Variants in UNKL observed in about 807,000 individuals in gnomAD.
The protein encoded by UNKL is unk like zinc finger, also known as putative E3 ubiquitin-protein ligase UNKL.
A neutral mutation model predicts 78.0 loss-of-function variants in UNKL; 60 were observed. That is an observed-to-expected ratio of 0.77 (90% CI 0.63 to 0.95). UNKL has a LOEUF of 0.95. Ranked by LOEUF, UNKL falls within the 40% of genes least tolerant of loss-of-function variation. UNKL has a pLI of 0.00. For missense variants in UNKL, 1,159 were observed against 1,045.7 expected, an observed-to-expected ratio of 1.11 and a Z score of -1.49; for synonymous variants, 608 against 474.8, an observed-to-expected ratio of 1.28 and a Z score of -3.65.
Position 1,370,241 on chromosome 16 carries a change from G to T in UNKL, c.1474C>A (p.Pro492Thr). The T allele has an allele frequency of 6.5e-7, 1 of 1,535,364 alleles. No individual in the cohort carries two copies. The highest frequency in any genetic ancestry group is 2.5e-5 in the East Asian group (1 of 40,730). ...GAGGAGCCCACCGGCCCTGGGAGGGGCTGGGACAGCGAACCGAGCGGCGAG... is the reference window on the plus strand; with the variant it reads ...GAGGAGCCCACCGGCCCTGGGAGGGTCTGGGACAGCGAACCGAGCGGCGAG... ...STSPLGSLSQPLPGPVGSSAM... is the reference protein window; with the variant it reads ...STSPLGSLSQTLPGPVGSSAM... Residue 492 changes from proline to threonine, a missense_variant, in exon 12 of 15, where the codon CCC (proline) becomes ACC (threonine). Physicochemically the swap from Pro to Thr is conservative, Grantham distance 38. Coordinates refer to ENST00000389221, the MANE Select transcript of UNKL (RefSeq NM_001372107.1).
chr16:1,399,771 C>T lies in UNKL; in HGVS notation c.599-262G>A, dbSNP rs557833840. The stretch of plus-strand genomic sequence containing the variant: ...GGGAACCCACAGAGACGGAGTGGAG[C>T]CGAGACCACCAGGGCTGGGAGGGAG... On this transcript the variant is annotated intron_variant, in intron 4 of 14. Transcript: ENST00000389221. This position sits in a 1 kb window ranked among gnomAD's most constrained non-coding sequence, Gnocchi z 5.8. Among the ~76,000 whole-genome samples, 3 of 152,312 alleles carry T rather than the reference C, an allele frequency of 2.0e-5. No individual in the cohort carries two copies. Among genetic ancestry groups the T allele is most frequent in the African/African-American group, 7.2e-5 (3 of 41,576 alleles).
intron 13 of UNKL, 116 bp downstream of exon 13, chr16:1,367,540 C>T: frequency 2.5e-6 from 2 of 785,418 alleles, no homozygotes; most frequent in Non-Finnish European, 3.5e-6. Context: ...CCCACACGCT[C>T]ACCTGAGTCA....
chr16:1,383,760 C>T (rs999041525), intron 10 of UNKL: 1 of 429,492 alleles, frequency 2.3e-6, no homozygotes, highest in Non-Finnish European at 4.8e-6. Flanking sequence ...TGACGCGGGT[C>T]CTGATGGTGC....
intron 10 of UNKL, among the ~76,000 whole-genome samples, chr16:1,376,330 T>G (rs943703342): frequency 8.2e-6 from 1 of 121,776 alleles, no homozygotes; most frequent in African/African-American, 3.2e-5. Flanking sequence ...GGCACTCCTC[T>G]TCCCTCCTCC....
At chr16:1,379,691 C>A (rs886685111) in intron 10 of UNKL, 4 of 984,382 alleles carry the variant, frequency 4.1e-6, no homozygotes, top group Non-Finnish European at 4.8e-6. Flanking sequence ...AAACCCGGCC[C>A]GCGCCCCGCC....
In UNKL at chr16:1,403,464, A is replaced by G. The variant is rs137972820; in HGVS notation, c.288-120T>C. 10,050 of 1,225,170 alleles carry G rather than the reference A, an allele frequency of 8.2e-3. 60 individuals are homozygous for G. Among genetic ancestry groups the G allele is most frequent in the Non-Finnish European group, 9.2e-3 (8,178 of 890,662 alleles). 75.9% of individuals were successfully genotyped at this position (1,225,170 alleles called of 1,614,324 possible). Reference sequence around the variant, plus strand: ...AGTGAATTCCCTTCCCTTCTTCCAGATTCCTGTTCTAATCAGAAGGACGGA... The same window carrying G: ...AGTGAATTCCCTTCCCTTCTTCCAGGTTCCTGTTCTAATCAGAAGGACGGA... On this transcript the variant is annotated intron_variant, in intron 2 of 14. Coordinates refer to ENST00000389221, the MANE Select transcript of UNKL (RefSeq NM_001372107.1). This position sits in a 1 kb window ranked among gnomAD's most constrained non-coding sequence, Gnocchi z 4.8.
In UNKL at chr16:1,399,602, A is replaced by G. The variant is rs1174350344; in HGVS notation, c.599-93T>C. ...GGTGGAAGGACCTGGCTGTCCCCCA[A>G]ATGGAAGGGGCTGCAGGAGGACTTG... is the stretch of plus-strand genomic sequence containing the variant. On this transcript the variant is annotated intron_variant, in intron 4 of 14. Coordinates refer to ENST00000389221, the MANE Select transcript of UNKL (RefSeq NM_001372107.1). The surrounding 1 kb of genome is among the most constrained non-coding windows in gnomAD (Gnocchi z 5.8). 4 of 1,521,726 alleles carry G rather than the reference A, an allele frequency of 2.6e-6. No homozygotes were observed. The highest frequency in any genetic ancestry group is 3.5e-6 in the Non-Finnish European group (4 of 1,135,750). 94.3% of individuals were successfully genotyped at this position (1,521,726 alleles called of 1,614,324 possible). A position where few individuals can be genotyped will look rare whatever the true frequency, so the allele number is the denominator to read the frequency against.
intron 3 of UNKL, among the ~76,000 whole-genome samples, chr16:1,402,827 A>AC (rs1486767584): frequency 6.8e-6 from 1 of 146,070 alleles, no homozygotes; most frequent in Non-Finnish European, 1.5e-5. Context: ...TACTAAACAT[A>AC]CAAAAAAAAA....
At chr16:1,384,567 C>A (rs151150468) in intron 10 of UNKL, among the ~76,000 whole-genome samples, 1 of 152,094 alleles carries the variant, frequency 6.6e-6, no homozygotes, top group East Asian at 1.9e-4. Flanking sequence ...TCACTGTCCC[C>A]CACCCTCAGT....
chr16:1,394,038 C>T (rs1304462257), intron 7 of UNKL, 93 bp downstream of exon 7: 100 of 1,338,814 alleles, frequency 7.5e-5, no homozygotes, highest in Non-Finnish European at 9.9e-5. Context: ...TCCAGGTCCT[C>T]GTGGGCAGCT....
At chr16:1,383,016 T>C (rs2036660760) in intron 10 of UNKL, among the ~76,000 whole-genome samples, 1 of 149,874 alleles carries the variant, frequency 6.7e-6, no homozygotes, top group Admixed American at 6.6e-5. Flanking sequence ...CCCCAGCACT[T>C]TGGGAGGCCC....
intron 13 of UNKL, 95 bp downstream of exon 13, chr16:1,367,561 T>TCCCG (rs1567196776): frequency 3.4e-6 from 1 of 298,312 alleles, no homozygotes. Context: ...CCTGCGGCCC[T>TCCCG]CCCTCCCTCC....
At chr16:1,405,791 A>G (rs55981213) in intron 2 of UNKL, 8,550 of 358,978 alleles carry the variant, frequency 0.024, 600 homozygotes, top group African/African-American at 0.16. Context: ...TACACCCAGC[A>G]CATGGGCACC....
In UNKL at chr16:1,365,357, A is replaced by G. The variant is rs1054568671; in HGVS notation, c.*883T>C. The G allele has an allele frequency of 6.6e-5, 10 of 152,172 alleles. No individual in the cohort carries two copies. Among genetic ancestry groups the G allele is most frequent in the Non-Finnish European group, 1.5e-4 (10 of 68,030 alleles). The allele number at this position is 152,172 out of a possible 1,614,324, so 9.4% of individuals were successfully genotyped here. ...GATCCCCTCTGCTGCGTTTTTTGTT[A>G]GTATCAAACTGTCTTTCAGAGGGTT... On this transcript the variant is annotated 3_prime_UTR_variant, in exon 15 of 15. Coordinates refer to ENST00000389221, the MANE Select transcript of UNKL (RefSeq NM_001372107.1).
At chr16:1,398,681 A>ATCCCC in intron 5 of UNKL, 1 of 694,534 alleles carries the variant, frequency 1.4e-6, no homozygotes, top group Non-Finnish European at 1.9e-6. Context: ...TGGGGTCTGC[A>ATCCCC]CCCCCCCACC....
At position 1,414,569 on chromosome 16, in the gene UNKL, C is replaced by G. The variant is rs367746232; in HGVS notation, c.77+46G>C. ...GCGAGCCCCGGCGGGAGGCTCCGAGCTGCACCGGGCGCGGGCGGGGGGCCG... is the reference window on the plus strand; with the variant it reads ...GCGAGCCCCGGCGGGAGGCTCCGAGGTGCACCGGGCGCGGGCGGGGGGCCG... On this transcript the variant is annotated intron_variant, in intron 1 of 14. Transcript: ENST00000389221. 3 of 915,092 alleles carry G rather than the reference C, an allele frequency of 3.3e-6. No individual in the cohort carries two copies. The East Asian group carries it at 3.2e-4, about 97-fold the overall frequency. 56.7% of individuals were successfully genotyped at this position (915,092 alleles called of 1,614,324 possible). A position where few individuals can be genotyped will look rare whatever the true frequency, so the allele number is the denominator to read the frequency against.
chr16:1,368,617 A>AG (rs2035511212), intron 12 of UNKL, among the ~76,000 whole-genome samples: 1 of 148,094 alleles, frequency 6.8e-6, no homozygotes, highest in Non-Finnish European at 1.5e-5. Flanking sequence ...TCAAAAAAAA[A>AG]AAAAAAAAAA....
intron 10 of UNKL, among the ~76,000 whole-genome samples, chr16:1,381,282 G>C (rs1395164241): frequency 6.6e-6 from 1 of 152,196 alleles, no homozygotes; most frequent in Non-Finnish European, 1.5e-5. Flanking sequence ...GGTTGGGGAA[G>C]AGAAACTTTA....
Position 1,372,125 on chromosome 16 carries a change from G to A in UNKL, c.1265-514C>T, listed in dbSNP as rs541257517. 9.2e-4 allele frequency among the ~76,000 whole-genome samples: 140 copies of A among 151,962 alleles called. 1 individual carries two copies. Among genetic ancestry groups the A allele is most frequent in the South Asian group, 4.6e-3 (22 of 4,812 alleles). ...AAAAAATACAAAAAATTAGCCAGGC[G>A]TGGTGGCGGGTGCCTGTAGTCCCAG... On this transcript the variant is annotated intron_variant, in intron 10 of 14. Transcript: ENST00000389221.
Sources: gnomAD v4.1 joint callset for allele counts (sites outside exome capture counted in the v4.1 genomes callset) on GRCh38, gnomAD v4.1.1 for gene constraint, Gnocchi (gnomAD v3.1) non-coding constraint, MANE v1.5 for transcripts, NCBI Gene and HGNC (gene_info 2026-07-23, HGNC 2026-07-21) for gene names.